The following CACNA2D1 variants were observed in gnomAD, a reference collection of about 807,000 sequenced individuals.
The protein encoded by CACNA2D1 is voltage-dependent calcium channel subunit alpha-2/delta-1.
Under a neutral mutation model 171.5 loss-of-function variants are expected in CACNA2D1, and 53 were observed. That is an observed-to-expected ratio of 0.31 (90% CI 0.25 to 0.39). The LOEUF (loss-of-function observed/expected upper bound fraction) is 0.39. Among genes scored for constraint, CACNA2D1 ranks in the 10% least tolerant of loss-of-function variants. CACNA2D1 has a pLI of 1.00. For synonymous variants in CACNA2D1, 442 were observed against 443.1 expected, an observed-to-expected ratio of 1.00 and a Z score of 0.03; for missense variants, 903 against 1,299.8, an observed-to-expected ratio of 0.69 and a Z score of 4.69.
At chr7:82,261,780 G>A (rs190092716) in intron 3 of CACNA2D1, among the ~76,000 whole-genome samples, 4 of 152,050 alleles carry the variant, frequency 2.6e-5, no homozygotes, top group Admixed American at 2.0e-4. Context: ...AATTACTTTG[G>A]CATTCCGTGT....
chr7:81,978,861 CAT>C (rs1373157365), intron 24 of CACNA2D1, among the ~76,000 whole-genome samples: 1 of 149,434 alleles, frequency 6.7e-6, no homozygotes, highest in Non-Finnish European at 1.5e-5. Context: ...AAGGGCTTAA[CAT>C]ATGTTAATTG....
At chr7:82,041,958 T>A (rs894358433) in intron 10 of CACNA2D1, among the ~76,000 whole-genome samples, 2 of 152,188 alleles carry the variant, frequency 1.3e-5, no homozygotes, top group Admixed American at 1.3e-4. Context: ...TCAGAGTCTT[T>A]CAGTTGGCCT....
chr7:82,190,330 T>C (rs1040813453), intron 3 of CACNA2D1, among the ~76,000 whole-genome samples: 9 of 151,822 alleles, frequency 5.9e-5, no homozygotes, highest in African/African-American at 2.2e-4. Flanking sequence ...TATCCATAAT[T>C]GTATTAACTA....
intron 3 of CACNA2D1, among the ~76,000 whole-genome samples, chr7:82,215,587 G>C (rs1461703209): frequency 2.0e-5 from 3 of 151,942 alleles, no homozygotes; most frequent in Non-Finnish European, 4.4e-5. Flanking sequence ...TCTAATGTAG[G>C]TCATGTATGA....
At chr7:82,002,021 CAAAAAAAAAA>C (rs35861959) in intron 18 of CACNA2D1, among the ~76,000 whole-genome samples, 1 of 89,438 alleles carries the variant, frequency 1.1e-5, no homozygotes, top group Non-Finnish European at 2.1e-5. Flanking sequence ...ATTGATTTGA[CAAAAAAAAAA>C]AAAAAAAAAA....
intron 13 of CACNA2D1, 55 bp from the exon 14 acceptor site, chr7:82,013,565 AC>A: frequency 1.6e-6 from 1 of 613,884 alleles, no homozygotes; most frequent in Non-Finnish European, 2.4e-6. Context: ...ATAAAGGGCC[AC>A]AAAATTATTT....
At chr7:82,061,503 C>G (rs756567318) in intron 9 of CACNA2D1, among the ~76,000 whole-genome samples, 1 of 152,072 alleles carries the variant, frequency 6.6e-6, no homozygotes, top group African/African-American at 2.4e-5. Context: ...TCATAGATAC[C>G]GACTAAATAG....
rs1052750292 is a variant in CACNA2D1 at position 81,970,838 on chromosome 7, G to C, written c.2142-101C>G. 4 of 764,114 alleles carry C rather than the reference G, an allele frequency of 5.2e-6. No individual in the cohort carries two copies. The Admixed American group carries it at 7.0e-5, about 13-fold the overall frequency. The allele number at this position is 764,114 out of a possible 1,614,324, so 47.3% of individuals were successfully genotyped here. A position where few individuals can be genotyped will look rare whatever the true frequency, so the allele number is the denominator to read the frequency against. Reference sequence around the variant, plus strand: ...AAGAGAAGTAAGTTTAGGAAGTAAAGGAAATATATCAATAGATACACAACT... The same window carrying C: ...AAGAGAAGTAAGTTTAGGAAGTAAACGAAATATATCAATAGATACACAACT... On this transcript the variant is annotated intron_variant, in intron 26 of 38. Transcript: ENST00000356860.
chr7:82,202,359 G>C (rs1799532980), intron 3 of CACNA2D1, among the ~76,000 whole-genome samples: 1 of 152,074 alleles, frequency 6.6e-6, no homozygotes, highest in Admixed American at 6.5e-5. Context: ...CTGACACTTG[G>C]TATAGCCAGC....
At chr7:82,229,469 C>T (rs1488011340) in intron 3 of CACNA2D1, among the ~76,000 whole-genome samples, 1 of 152,126 alleles carries the variant, frequency 6.6e-6, no homozygotes, top group Non-Finnish European at 1.5e-5. Flanking sequence ...AGCTCGATCA[C>T]AGACTGCCAA....
At chr7:82,399,717 T>A (rs1419661574) in intron 1 of CACNA2D1, among the ~76,000 whole-genome samples, 1 of 9,304 alleles carries the variant, frequency 1.1e-4, no homozygotes, top group Non-Finnish European at 2.4e-4. Context: ...CCCCACCCCA[T>A]ACACACACCT....
chr7:82,440,896 T>A (rs578107363), intron 1 of CACNA2D1, among the ~76,000 whole-genome samples: 4 of 151,914 alleles, frequency 2.6e-5, no homozygotes, highest in Non-Finnish European at 5.9e-5. Flanking sequence ...TTATAGTGTG[T>A]GATGGCATGC....
At chr7:82,280,822 C>T (rs879398043) in intron 3 of CACNA2D1, among the ~76,000 whole-genome samples, 7 of 152,118 alleles carry the variant, frequency 4.6e-5, no homozygotes, top group Non-Finnish European at 1.0e-4. Context: ...GCTGGGACTA[C>T]AGACACGTGC....
At chr7:82,055,329 C>G (rs1290561831) in intron 10 of CACNA2D1, among the ~76,000 whole-genome samples, 3 of 152,114 alleles carry the variant, frequency 2.0e-5, no homozygotes, top group Non-Finnish European at 4.4e-5. Flanking sequence ...TGCATACTTT[C>G]CTCATGATCT....
At chr7:82,096,927 A>T (rs1445822542) in intron 6 of CACNA2D1, among the ~76,000 whole-genome samples, 1 of 152,198 alleles carries the variant, frequency 6.6e-6, no homozygotes, top group Admixed American at 6.5e-5. Flanking sequence ...GAGAAGACAC[A>T]TAGATAAAGC....
chr7:82,178,208 T>C (rs1399035654), intron 3 of CACNA2D1, among the ~76,000 whole-genome samples: 1 of 152,112 alleles, frequency 6.6e-6, no homozygotes, highest in Non-Finnish European at 1.5e-5. Flanking sequence ...GATTTCAACC[T>C]GATCTGCCAT....
At chr7:82,179,898 A>T (rs1796936996) in intron 3 of CACNA2D1, among the ~76,000 whole-genome samples, 1 of 149,550 alleles carries the variant, frequency 6.7e-6, no homozygotes, top group Admixed American at 6.7e-5. Flanking sequence ...TAAAATTATC[A>T]CCAAAAAATA....
In CACNA2D1 at chr7:81,997,193, C is replaced by A. The variant is rs542692632; in HGVS notation, c.1648G>T (p.Asp550Tyr). The change falls in exon 19 of 39, where the codon GAT becomes TAT. Residue 550 changes from aspartate to tyrosine, a missense_variant. By Grantham distance (160) the Asp-to-Tyr change is radical (BLOSUM62 -3). This residue lies in a region of CACNA2D1 where 623 missense variants were observed against 925.5 expected (regional missense o/e 0.67). Transcript: ENST00000356860. ...ATTCCACTCACCTCCACTTTAATAT[C>A]ATTCTCTAACTCTGCATCAAGGAAA... ...LDFLDAELEN[D>Y]IKVEIRNKMI... 406 of 1,602,146 alleles carry A rather than the reference C, an allele frequency of 2.5e-4. No homozygotes were observed. The highest frequency in any genetic ancestry group is 3.4e-4 in the Non-Finnish European group (396 of 1,169,530).
chr7:82,023,528 A>C (rs1801509774), intron 12 of CACNA2D1, among the ~76,000 whole-genome samples: 1 of 151,788 alleles, frequency 6.6e-6, no homozygotes, highest in East Asian at 1.9e-4. Context: ...TAAATGAAGC[A>C]TTCTGCAGCC....
Sources: gnomAD v4.1 joint callset for allele counts (sites outside exome capture counted in the v4.1 genomes callset) on GRCh38, gnomAD v4.1.1 for gene constraint, gnomAD v4.1.1 regional missense constraint, MANE v1.5 for transcripts, NCBI Gene and HGNC (gene_info 2026-07-23, HGNC 2026-07-21) for gene names.